FAAH2: variants seen among roughly 807,000 people sequenced by gnomAD.
FAAH2 encodes the protein fatty-acid amide hydrolase 2.
A neutral mutation model predicts 36.9 loss-of-function variants in FAAH2; 60 were observed. The observed-to-expected ratio is 1.63, with a 90% CI of 1.32 to 2.02. The LOEUF is 2.02. FAAH2 is among the 30% of genes most tolerant of loss of function. The pLI is 0.00. For missense variants in FAAH2, 689 were observed against 397.5 expected, an observed-to-expected ratio of 1.73 and a Z score of -6.23; for synonymous variants, 214 against 143.8, an observed-to-expected ratio of 1.49 and a Z score of -3.49.
chrX:57,297,128 A>T (rs960074890), intron 2 of FAAH2, among the ~76,000 whole-genome samples: 43 of 108,331 alleles, frequency 4.0e-4, no homozygotes, highest in Non-Finnish European at 6.7e-4. Context: ...CCTCAAGAAG[A>T]GCAACTCCAA....
At chrX:57,362,543 A>G (rs1323411662) in intron 5 of FAAH2, among the ~76,000 whole-genome samples, 1 of 111,609 alleles carries the variant, frequency 9.0e-6, no homozygotes, top group East Asian at 2.8e-4. Context: ...CTCTCATTTT[A>G]GAAGTTTTCT....
At chrX:57,295,588 G>A (rs771924165) in intron 2 of FAAH2, among the ~76,000 whole-genome samples, 34 of 111,948 alleles carry the variant, frequency 3.0e-4, no homozygotes, top group African/African-American at 7.8e-4. Context: ...TCATCTCACT[G>A]GGGAGTGCTG....
intron 6 of FAAH2, among the ~76,000 whole-genome samples, chrX:57,380,534 C>T (rs1026210751): frequency 8.9e-6 from 1 of 112,021 alleles, no homozygotes; most frequent in Non-Finnish European, 1.9e-5. Flanking sequence ...TCCGATTTTT[C>T]TCAGTCATTA....
chrX:57,438,877 T>A (rs1159744654), intron 8 of FAAH2, among the ~76,000 whole-genome samples: 9 of 108,406 alleles, frequency 8.3e-5, no homozygotes, highest in Non-Finnish European at 1.7e-4. Context: ...TTGCGATAGT[T>A]TGCTGAGAAT....
the FAAH2 span, among the ~76,000 whole-genome samples, chrX:57,218,461 T>A: frequency 8.9e-6 from 1 of 112,223 alleles, no homozygotes; most frequent in Non-Finnish European, 1.9e-5. Flanking sequence ...GATGATCATG[T>A]GATTTTTGTT....
At chrX:57,362,947 A>G (rs191085442) in intron 5 of FAAH2, among the ~76,000 whole-genome samples, 5 of 111,933 alleles carry the variant, frequency 4.5e-5, no homozygotes, top group African/African-American at 1.6e-4. Context: ...GTCTGGTTTT[A>G]TAACAATATG....
intron 10 of FAAH2, among the ~76,000 whole-genome samples, chrX:57,466,435 G>A (rs2057052255): frequency 1.0e-5 from 1 of 99,006 alleles, no homozygotes; most frequent in African/African-American, 3.7e-5. Flanking sequence ...TAATATACTG[G>A]AAAAGTATAT....
At chrX:57,126,131 T>A in the FAAH2 span, among the ~76,000 whole-genome samples, 921 of 112,548 alleles carry the variant, frequency 8.2e-3, 8 homozygotes, top group Non-Finnish European at 0.013. Context: ...TAATCTGTTG[T>A]CTAAAAAGTT....
intron 10 of FAAH2, among the ~76,000 whole-genome samples, chrX:57,463,007 C>A (rs79758354): frequency 9.0e-6 from 1 of 111,729 alleles, no homozygotes; most frequent in Non-Finnish European, 1.9e-5. Flanking sequence ...TTCCTATACA[C>A]CAATAATAGA....
chrX:57,308,717 C>T (rs886559783), intron 2 of FAAH2, among the ~76,000 whole-genome samples: 8 of 111,475 alleles, frequency 7.2e-5, no homozygotes, highest in Non-Finnish European at 1.3e-4. Context: ...CTCCTGTCTC[C>T]TCCATTTCTA....
At chrX:57,221,529 A>C in the FAAH2 span, among the ~76,000 whole-genome samples, 1 of 110,038 alleles carries the variant, frequency 9.1e-6, no homozygotes, top group East Asian at 2.9e-4. Flanking sequence ...CCAGTCACCT[A>C]CTCTGCCCAA....
the FAAH2 span, among the ~76,000 whole-genome samples, chrX:57,262,715 A>G: frequency 8.9e-6 from 1 of 111,764 alleles, no homozygotes; most frequent in Non-Finnish European, 1.9e-5. Context: ...AACTTCTAAC[A>G]CAATATTAGT....
the FAAH2 span, among the ~76,000 whole-genome samples, chrX:57,216,713 T>C: frequency 2.1e-5 from 2 of 97,065 alleles, no homozygotes; most frequent in African/African-American, 7.1e-5. Flanking sequence ...TTGCAATTGT[T>C]AATTGTGCCG....
Position 57,377,112 on chromosome X carries a change from T to C in FAAH2, c.743-1539T>C, listed in dbSNP as rs778653553. 2.5e-3 allele frequency among the ~76,000 whole-genome samples: 277 copies of C among 112,418 alleles called. 1 individual carries two copies. The highest frequency in any genetic ancestry group is 3.5e-3 in the Non-Finnish European group (188 of 53,292). ...CCTATTCTGTAGGTTGCCTGCTCAA[T>C]CTGATGATAGTTTCTTTTGCTGTGC... On this transcript the variant is annotated intron_variant, in intron 5 of 10. Coordinates refer to ENST00000374900, the MANE Select transcript of FAAH2 (RefSeq NM_174912.4).
intron 3 of FAAH2, among the ~76,000 whole-genome samples, chrX:57,328,631 C>T (rs1294904541): frequency 8.9e-6 from 1 of 111,908 alleles, no homozygotes; most frequent in African/African-American, 3.2e-5. Context: ...AAGGAAAACA[C>T]TCTGATTTTT....
intron 7 of FAAH2, chrX:57,392,600 C>T: frequency 2.5e-6 from 2 of 800,856 alleles, no homozygotes; most frequent in South Asian, 2.1e-5. Flanking sequence ...TAGACACTGG[C>T]CAGATTTTCA....
At chrX:57,316,267 T>A (rs1487797506) in intron 3 of FAAH2, among the ~76,000 whole-genome samples, 1 of 111,934 alleles carries the variant, frequency 8.9e-6, no homozygotes, top group African/African-American at 3.2e-5. Context: ...GTTCTTGGAT[T>A]GGAAAAATCA....
intron 5 of FAAH2, among the ~76,000 whole-genome samples, chrX:57,372,071 A>G (rs1181723254): frequency 1.2e-5 from 1 of 84,137 alleles, no homozygotes; most frequent in Non-Finnish European, 2.7e-5. Context: ...TTTTGAATCT[A>G]TGTCTTTTTT....
At chrX:57,347,457 T>A (rs965152388) in intron 5 of FAAH2, among the ~76,000 whole-genome samples, 1 of 111,034 alleles carries the variant, frequency 9.0e-6, no homozygotes, top group African/African-American at 3.3e-5. Flanking sequence ...CTCTCAGTTC[T>A]TAGATCATTT....
Sources: gnomAD v4.1 joint callset for allele counts (sites outside exome capture counted in the v4.1 genomes callset) on GRCh38, gnomAD v4.1.1 for gene constraint, MANE v1.5 for transcripts, NCBI Gene and HGNC (gene_info 2026-07-23, HGNC 2026-07-21) for gene names.